Variants in SBF2 observed in about 807,000 individuals in gnomAD.
The protein encoded by SBF2 is myotubularin-related protein 13.
SBF2 carries 112 observed loss-of-function variants against 225.2 expected under a neutral mutation model. The ratio of observed to expected loss-of-function variants is 0.50; its 90% CI spans 0.43 to 0.58. The LOEUF (loss-of-function observed/expected upper bound fraction) is 0.58. SBF2 is among the 20% of genes least tolerant of loss of function. SBF2 has a pLI of 0.00. For synonymous variants in SBF2, 763 were observed against 773.3 expected (o/e 0.99, Z 0.22); for missense variants, 1,996 against 2,206.2 (o/e 0.90, Z 1.91).
At chr11:10,236,365 C>A (rs114178654) in intron 1 of SBF2, among the ~76,000 whole-genome samples, 1 of 152,122 alleles carries the variant, frequency 6.6e-6, no homozygotes, top group African/African-American at 2.4e-5. Context: ...AAGAGATTGA[C>A]GGTGGGAGAA....
chr11:10,102,016 T>C (rs2134972529), intron 2 of SBF2, among the ~76,000 whole-genome samples: 1 of 152,306 alleles, frequency 6.6e-6, no homozygotes, highest in African/African-American at 2.4e-5. Flanking sequence ...ATACTCTCTC[T>C]TGGTTTCCAC....
chr11:9,865,688 C>CAAAAAAAAAAAAAAA (rs1174863548), intron 17 of SBF2, among the ~76,000 whole-genome samples: 1 of 14,838 alleles, frequency 6.7e-5, no homozygotes, highest in African/African-American at 2.6e-4. Context: ...AAAACTGTCT[C>CAAAAAAAAAAAAAAA]AAAAAAAAAA....
At chr11:10,278,746 T>A (rs1462361712) in intron 1 of SBF2, among the ~76,000 whole-genome samples, 1 of 149,362 alleles carries the variant, frequency 6.7e-6, no homozygotes, top group Non-Finnish European at 1.5e-5. Context: ...CCGAGCCCCA[T>A]TGCACTCCAG....
At chr11:9,901,394 C>T (rs1861707959) in intron 16 of SBF2, among the ~76,000 whole-genome samples, 1 of 152,162 alleles carries the variant, frequency 6.6e-6, no homozygotes, top group Non-Finnish European at 1.5e-5. Flanking sequence ...CTGAGCCCTA[C>T]AACCAAATGA....
intron 2 of SBF2, among the ~76,000 whole-genome samples, chr11:10,047,542 T>C (rs150129362): frequency 2.0e-5 from 3 of 152,278 alleles, no homozygotes; most frequent in Admixed American, 6.5e-5. Flanking sequence ...TGGACGTAAA[T>C]GTTAGGTATT....
At chr11:10,157,653 T>A (rs771178593) in intron 2 of SBF2, among the ~76,000 whole-genome samples, 1 of 152,174 alleles carries the variant, frequency 6.6e-6, no homozygotes, top group African/African-American at 2.4e-5. Flanking sequence ...TACCTTATGG[T>A]GAGTTTTATA....
chr11:10,029,824 A>G lies in SBF2; in HGVS notation c.454T>C (p.Leu152=), dbSNP rs1390703023. 4.3e-6 allele frequency: 7 copies of G among 1,613,872 alleles called. No homozygotes were observed. The highest frequency in any genetic ancestry group is 2.7e-5 in the African/African-American group (2 of 74,918). ...CAAAGGTTTGCAATTAGACTTTCCA[A>G]GGAGACATTCAGGCTGTCCACATAC... ...TVYVDSLNVS[L]ESLIANLCAC... Residue 152 remains leucine (L), a synonymous_variant, in exon 5 of 40, where the codon TTG becomes CTG. Coordinates refer to ENST00000256190, the MANE Select transcript of SBF2 (RefSeq NM_030962.4).
intron 1 of SBF2, among the ~76,000 whole-genome samples, chr11:10,235,055 G>C (rs1050845565): frequency 5.3e-5 from 8 of 152,166 alleles, no homozygotes; most frequent in African/African-American, 1.7e-4. Flanking sequence ...GTAAGCACTG[G>C]TAGCCTCAAA....
intron 6 of SBF2, among the ~76,000 whole-genome samples, chr11:10,011,296 G>C (rs1434762201): frequency 2.0e-5 from 3 of 152,006 alleles, no homozygotes; most frequent in Non-Finnish European, 2.9e-5. Flanking sequence ...GTGCGATCTT[G>C]GCTCACTGCA....
chr11:10,160,992 G>A (rs184536330), intron 2 of SBF2, among the ~76,000 whole-genome samples: 44 of 152,008 alleles, frequency 2.9e-4, no homozygotes, highest in African/African-American at 1.0e-3. Context: ...TTCGAGACAC[G>A]CCTGGCCAAC....
chr11:9,924,520 C>T (rs573735120), intron 16 of SBF2, among the ~76,000 whole-genome samples: 1 of 152,248 alleles, frequency 6.6e-6, no homozygotes, highest in South Asian at 2.1e-4. Context: ...CAACCTCTGC[C>T]TCCTGGGTTC....
intron 12 of SBF2, among the ~76,000 whole-genome samples, chr11:9,991,490 C>G (rs144197935): frequency 2.0e-5 from 3 of 152,102 alleles, no homozygotes; most frequent in Non-Finnish European, 4.4e-5. Context: ...ATCACTGCCA[C>G]GATTCTCCAA....
intron 13 of SBF2, among the ~76,000 whole-genome samples, chr11:9,970,245 C>T (rs557559732): frequency 4.0e-5 from 6 of 151,262 alleles, no homozygotes; most frequent in African/African-American, 7.3e-5. Flanking sequence ...CTTGCTCTGT[C>T]GCCCAGGCTG....
At chr11:9,980,609 C>T (rs1456161896) in intron 13 of SBF2, among the ~76,000 whole-genome samples, 5 of 150,136 alleles carry the variant, frequency 3.3e-5, no homozygotes, top group African/African-American at 7.4e-5. Flanking sequence ...TTTTTTAAGA[C>T]GGAGTCTCAC....
intron 32 of SBF2, among the ~76,000 whole-genome samples, chr11:9,797,771 C>T (rs1853217471): frequency 6.6e-6 from 1 of 152,168 alleles, no homozygotes; most frequent in Non-Finnish European, 1.5e-5. Context: ...GAGTTTGAGA[C>T]CAACCTGGGC....
chr11:10,284,824 A>C (rs1963639027), intron 1 of SBF2, among the ~76,000 whole-genome samples: 1 of 151,750 alleles, frequency 6.6e-6, no homozygotes, highest in Admixed American at 6.6e-5. Context: ...AGGTCTCACT[A>C]TGTTGCCTAG....
chr11:10,071,254 T>A (rs1386426181), intron 2 of SBF2, among the ~76,000 whole-genome samples: 1 of 109,518 alleles, frequency 9.1e-6, no homozygotes, highest in African/African-American at 3.1e-5. Context: ...TCTCTTTTTT[T>A]CTCTCTCTCT....
intron 32 of SBF2, among the ~76,000 whole-genome samples, chr11:9,797,501 A>T (rs1853195404): frequency 6.6e-6 from 1 of 152,224 alleles, no homozygotes; most frequent in African/African-American, 2.4e-5. Context: ...GTTGCATCAG[A>T]TCTCCACAGG....
intron 5 of SBF2, among the ~76,000 whole-genome samples, chr11:10,029,177 G>GA (rs1419122608): frequency 5.9e-5 from 9 of 152,020 alleles, no homozygotes; most frequent in African/African-American, 1.4e-4. Context: ...AAGGTTTAAG[G>GA]AAAAAATCTA....
Sources: gnomAD v4.1 joint callset for allele counts (sites outside exome capture counted in the v4.1 genomes callset) on GRCh38, gnomAD v4.1.1 for gene constraint, MANE v1.5 for transcripts, NCBI Gene and HGNC (gene_info 2026-07-23, HGNC 2026-07-21) for gene names.